CHCHD3: variants seen among roughly 807,000 people sequenced by gnomAD.
CHCHD3 encodes the protein coiled-coil-helix-coiled-coil-helix domain containing 3, also known as MICOS complex subunit MIC19.
In CHCHD3, 20 loss-of-function variants were observed where a neutral mutation model predicts 38.2. That is an observed-to-expected ratio of 0.52 (90% CI 0.37 to 0.76). CHCHD3 has a LOEUF of 0.76. CHCHD3 is among the 30% of genes least tolerant of loss of function. CHCHD3 has a pLI of 0.00. For synonymous variants in CHCHD3, 82 were observed against 100.0 expected (o/e 0.82, Z 1.07); for missense variants, 245 against 279.2 (o/e 0.88, Z 0.87).
chr7:133,067,461 T>C (rs1412800907), intron 2 of CHCHD3, among the ~76,000 whole-genome samples: 1 of 152,198 alleles, frequency 6.6e-6, no homozygotes, highest in East Asian at 1.9e-4. Context: ...TACAAACCAT[T>C]TGCTCCCTTA....
At chr7:132,786,350 G>T (rs148268014) in intron 7 of CHCHD3, among the ~76,000 whole-genome samples, 151 of 152,288 alleles carry the variant, frequency 9.9e-4, no homozygotes, top group African/African-American at 3.4e-3. Context: ...CTTCCCAGAG[G>T]GGGAGAACGC....
chr7:132,839,585 A>G (rs1409721770), intron 5 of CHCHD3, among the ~76,000 whole-genome samples: 8 of 152,178 alleles, frequency 5.3e-5, no homozygotes, highest in Non-Finnish European at 1.2e-4. Context: ...TCATTCTCTA[A>G]TCACTCAGGT....
At chr7:132,950,319 G>A (rs1811007733) in intron 4 of CHCHD3, among the ~76,000 whole-genome samples, 1 of 152,014 alleles carries the variant, frequency 6.6e-6, no homozygotes, top group Non-Finnish European at 1.5e-5. Context: ...CCAAAATAGA[G>A]TAAATGCATT....
intron 4 of CHCHD3, among the ~76,000 whole-genome samples, chr7:132,904,207 G>A (rs1356963301): frequency 6.6e-6 from 1 of 151,856 alleles, no homozygotes; most frequent in Non-Finnish European, 1.5e-5. Flanking sequence ...GCTGCAGTGA[G>A]CTATGATCAT....
chr7:132,980,252 C>T (rs1045561285), intron 3 of CHCHD3, among the ~76,000 whole-genome samples: 2 of 152,156 alleles, frequency 1.3e-5, no homozygotes, highest in African/African-American at 4.8e-5. Context: ...GAAGGCAGGA[C>T]TTTATATGTA....
At chr7:133,007,567 C>A (rs1465562531) in intron 3 of CHCHD3, among the ~76,000 whole-genome samples, 2 of 152,140 alleles carry the variant, frequency 1.3e-5, no homozygotes, top group African/African-American at 4.8e-5. Context: ...GCAGCAGTAT[C>A]ATCACTACGG....
Position 132,865,836 on chromosome 7 carries a change from T to C in CHCHD3, c.453+19826A>G, listed in dbSNP as rs181178384. Among the ~76,000 whole-genome samples, 6 of 152,260 alleles carry C rather than the reference T, an allele frequency of 3.9e-5. No individual in the cohort carries two copies. The East Asian group carries it at 1.2e-3, about 29-fold the overall frequency. On this transcript the variant is annotated intron_variant, in intron 5 of 7. Transcript: ENST00000262570. ...CTTAATTGATCACAGGTTCAGATTA[T>C]TGCTAACAGACTTCAGATGTGCCTA... is the stretch of plus-strand genomic sequence containing the variant.
At chr7:132,884,089 G>A (rs1177977495) in intron 5 of CHCHD3, among the ~76,000 whole-genome samples, 1 of 152,076 alleles carries the variant, frequency 6.6e-6, no homozygotes, top group East Asian at 1.9e-4. Flanking sequence ...AATTACTGCC[G>A]TAATTTCTTA....
intron 3 of CHCHD3, among the ~76,000 whole-genome samples, chr7:133,017,232 A>T (rs1813055257): frequency 2.0e-5 from 3 of 152,218 alleles, no homozygotes; most frequent in Admixed American, 2.0e-4. Flanking sequence ...TTATGTAATG[A>T]TGACAGCCTA....
At chr7:132,924,058 A>G (rs1327660081) in intron 4 of CHCHD3, among the ~76,000 whole-genome samples, 1 of 152,210 alleles carries the variant, frequency 6.6e-6, no homozygotes, top group Non-Finnish European at 1.5e-5. Flanking sequence ...TGGAGTAGCC[A>G]TTCAATTCAA....
Position 132,788,372 on chromosome 7 carries a change from A to G in CHCHD3, c.661-2712T>C, listed in dbSNP as rs1806377813. Among the ~76,000 whole-genome samples, 1 of 152,194 alleles carries G rather than the reference A, an allele frequency of 6.6e-6. No homozygotes were observed. The highest frequency in any genetic ancestry group is 6.5e-5 in the Admixed American group (1 of 15,280). On this transcript the variant is annotated intron_variant, in intron 7 of 7. Transcript: ENST00000262570. The surrounding 1 kb of genome is among the most constrained non-coding windows in gnomAD (Gnocchi z 4.0). Reference sequence around the variant, plus strand: ...GCTTTGAGTTGTCATCTGCCTGGTCAAGATTACATAGCTGTACCCCTCTCT... The same window carrying G: ...GCTTTGAGTTGTCATCTGCCTGGTCGAGATTACATAGCTGTACCCCTCTCT...
chr7:133,062,635 A>C (rs1438074592), intron 2 of CHCHD3, among the ~76,000 whole-genome samples: 2 of 152,340 alleles, frequency 1.3e-5, no homozygotes, highest in Non-Finnish European at 2.9e-5. Context: ...TCTTTAAAAC[A>C]GCGTCTTTTT....
At chr7:132,846,482 A>T (rs895908702) in intron 5 of CHCHD3, among the ~76,000 whole-genome samples, 1 of 152,314 alleles carries the variant, frequency 6.6e-6, no homozygotes, top group Admixed American at 6.5e-5. Flanking sequence ...TATATAGTAA[A>T]AGCTAACTGA....
intron 3 of CHCHD3, among the ~76,000 whole-genome samples, chr7:133,009,184 G>C (rs1812790175): frequency 1.3e-5 from 2 of 151,674 alleles, no homozygotes; most frequent in African/African-American, 4.8e-5. Context: ...GCCAACATGT[G>C]ACACCCCATC....
chr7:132,911,608 G>A (rs959142459), intron 4 of CHCHD3, among the ~76,000 whole-genome samples: 2 of 152,216 alleles, frequency 1.3e-5, no homozygotes, highest in African/African-American at 4.8e-5. Flanking sequence ...AGCATGTACC[G>A]TTATATTTAA....
intron 5 of CHCHD3, among the ~76,000 whole-genome samples, chr7:132,860,009 C>T (rs1309019036): frequency 6.6e-6 from 1 of 152,132 alleles, no homozygotes; most frequent in East Asian, 1.9e-4. Flanking sequence ...CGGTGGCTTA[C>T]GCCTGTAATC....
At position 132,852,300 on chromosome 7, in the gene CHCHD3, G is replaced by T. The variant is rs139771620; in HGVS notation, c.454-13831C>A. 4.6e-5 allele frequency among the ~76,000 whole-genome samples: 7 copies of T among 152,260 alleles called. 1 individual carries two copies. The highest frequency in any genetic ancestry group is 4.6e-4 in the Admixed American group (7 of 15,290). ...AGGAATGGAAGGCTGAAGATCCCTT[G>T]AAAGGCTATTGGACAGAGAGCTCCA... is the stretch of plus-strand genomic sequence containing the variant. On this transcript the variant is annotated intron_variant, in intron 5 of 7. Coordinates refer to ENST00000262570, the MANE Select transcript of CHCHD3 (RefSeq NM_017812.4).
intron 2 of CHCHD3, among the ~76,000 whole-genome samples, chr7:133,056,535 T>C (rs577747565): frequency 6.6e-6 from 1 of 152,312 alleles, no homozygotes; most frequent in East Asian, 1.9e-4. Flanking sequence ...GACCTATTCA[T>C]CTTTGAAACT....
At chr7:133,016,636 C>T (rs1312808425) in intron 3 of CHCHD3, among the ~76,000 whole-genome samples, 1 of 152,190 alleles carries the variant, frequency 6.6e-6, no homozygotes, top group Admixed American at 6.5e-5. Flanking sequence ...AGAAAATTTA[C>T]ATTTGATTTA....
Sources: allele counts gnomAD v4.1 joint callset (sites outside exome capture counted in the v4.1 genomes callset), GRCh38; gene constraint gnomAD v4.1.1; non-coding constraint Gnocchi (gnomAD v3.1); transcripts MANE v1.5; gene names NCBI Gene and HGNC (gene_info 2026-07-23, HGNC 2026-07-21).